Variants in PPARA observed in about 807,000 individuals in gnomAD.
PPARA encodes the protein peroxisome proliferator activated receptor alpha.
PPARA carries 22 observed loss-of-function variants against 42.2 expected under a neutral mutation model. The observed-to-expected ratio is 0.52, with a 90% confidence interval of 0.37 to 0.74. The LOEUF is 0.74. PPARA is among the 30% of genes least tolerant of loss of function. The pLI is 0.00. For missense variants in PPARA, 465 were observed against 608.2 expected (o/e 0.76, Z 2.48); for synonymous variants, 242 against 239.3 (o/e 1.01, Z -0.10).
intron 3 of PPARA, among the ~76,000 whole-genome samples, chr22:46,179,413 C>T (rs1048138175): frequency 6.6e-6 from 1 of 152,062 alleles, no homozygotes; most frequent in Non-Finnish European, 1.5e-5. Flanking sequence ...TCATTTCTAA[C>T]TTAAAAAAAC....
chr22:46,174,763 A>G (rs1928759107), intron 2 of PPARA, among the ~76,000 whole-genome samples: 1 of 152,122 alleles, frequency 6.6e-6, no homozygotes, highest in Non-Finnish European at 1.5e-5. Flanking sequence ...GCTGCAGTGA[A>G]CCATGATCAC....
rs1924220207 is a variant in PPARA at position 46,150,557 on chromosome 22, G to A, written c.-305G>A. 1 of 145,680 alleles carries A rather than the reference G, an allele frequency of 6.9e-6. No individual in the cohort carries two copies. The highest frequency in any genetic ancestry group is 2.5e-5 in the African/African-American group (1 of 40,692). 9.0% of individuals were successfully genotyped at this position (145,680 alleles called of 1,614,324 possible). A position where few individuals can be genotyped will look rare whatever the true frequency, so the allele number is the denominator to read the frequency against. ...GCGGCGGCCCCGCGGCGGGGGCAGC[G>A]GGCGGCGGGGGCGGAGGCGGCCGCT... On this transcript the variant is annotated 5_prime_UTR_variant, in exon 1 of 9. Transcript: ENST00000407236. The surrounding 1 kb of genome is among the most constrained non-coding windows in gnomAD (Gnocchi z 7.5).
At chr22:46,220,118 C>T in intron 7 of PPARA, 104 bp downstream of exon 7, 1 of 1,325,244 alleles carries the variant, frequency 7.5e-7, no homozygotes, top group Non-Finnish European at 1.1e-6. Context: ...TTATATTTAT[C>T]CCACAGTTAA....
In PPARA at chr22:46,218,332, A is replaced by G. The variant is rs779436126; in HGVS notation, c.439A>G (p.Lys147Glu). 1.2e-5 allele frequency: 20 copies of G among 1,614,060 alleles called. No individual in the cohort carries two copies. The highest frequency in any genetic ancestry group is 1.7e-5 in the Non-Finnish European group (20 of 1,180,046). ...DKCDRSCKIQ[K>E]KNRNKCQYCR... The stretch of plus-strand genomic sequence containing the variant: ...GTGCGACCGCAGCTGCAAGATCCAG[A>G]AAAAGAACAGAAACAAATGCCAGTA... The change falls in exon 6 of 9, where the codon AAA (lysine) becomes GAA (glutamate). Residue 147 changes from lysine (K) to glutamate (E), a missense_variant. Physicochemically the swap from Lys to Glu is moderately conservative, Grantham distance 56 (BLOSUM62 1). Transcript: ENST00000407236.
In PPARA at chr22:46,211,361, C is replaced by T. The variant is rs1230221029; in HGVS notation, c.209-3812C>T. ...GTGGTATCAGAACTGTTAACCCACACCCTGTGGGAAAAAAACTCCATCAGC... is the reference window on the plus strand; with the variant it reads ...GTGGTATCAGAACTGTTAACCCACATCCTGTGGGAAAAAAACTCCATCAGC... On this transcript the variant is annotated intron_variant, in intron 4 of 8. Transcript: ENST00000407236. The surrounding 1 kb of genome is among the most constrained non-coding windows in gnomAD (Gnocchi z 4.1). Among the ~76,000 whole-genome samples the T allele has an allele frequency of 2.0e-5, 3 of 152,172 alleles. No individual in the cohort carries two copies. Among genetic ancestry groups the T allele is most frequent in the Admixed American group, 6.6e-5 (1 of 15,264 alleles).
rs371336402 is a variant in PPARA, at chr22:46,201,408, C to G, written c.208+2817C>G. 5.3e-5 allele frequency among the ~76,000 whole-genome samples: 8 copies of G among 152,258 alleles called. No homozygotes were observed. The South Asian group carries it at 1.7e-3, about 32-fold the overall frequency. On this transcript the variant is annotated intron_variant, in intron 4 of 8. Transcript: ENST00000407236. ...TGGTGCAAGTTTTGACTCCCTTTCT[C>G]CTGGCGCGTTAAGCAGAGGATAAGC... is the stretch of plus-strand genomic sequence containing the variant.
chr22:46,199,573 G>A (rs1932760350), intron 4 of PPARA, among the ~76,000 whole-genome samples: 1 of 152,152 alleles, frequency 6.6e-6, no homozygotes, highest in Non-Finnish European at 1.5e-5. Flanking sequence ...GAGCCCAGGA[G>A]CTCGAGGCTG....
In PPARA at chr22:46,173,868, A is replaced by G. The variant is rs1928473955; in HGVS notation, c.-126-2885A>G. Among the ~76,000 whole-genome samples, 1 of 152,212 alleles carries G rather than the reference A, an allele frequency of 6.6e-6. No homozygotes were observed. The highest frequency in any genetic ancestry group is 1.5e-5 in the Non-Finnish European group (1 of 68,052). On this transcript the variant is annotated intron_variant, in intron 2 of 8. Transcript: ENST00000407236. This position sits in a 1 kb window ranked among gnomAD's most constrained non-coding sequence, Gnocchi z 4.3. The stretch of plus-strand genomic sequence containing the variant: ...CCATGAGGCATGCAACTCACCCTCA[A>G]ATACACACACACATACACATATATA...
Position 46,225,826 on chromosome 22 carries a change from C to T in PPARA, c.711+5812C>T, listed in dbSNP as rs879890865. Among the ~76,000 whole-genome samples the T allele has an allele frequency of 9.3e-5, 14 of 150,848 alleles. No individual in the cohort carries two copies. The highest frequency in any genetic ancestry group is 2.1e-4 in the South Asian group (1 of 4,734). ...ACGTGCACCCACACATGCACACAGA[C>T]GCACCTCCACCCCCACACACGCACA... is the stretch of plus-strand genomic sequence containing the variant. On this transcript the variant is annotated intron_variant, in intron 7 of 8. Transcript: ENST00000407236. This position sits in a 1 kb window ranked among gnomAD's most constrained non-coding sequence, Gnocchi z 4.1.
intron 4 of PPARA, among the ~76,000 whole-genome samples, chr22:46,205,622 A>C (rs1212008461): frequency 8.5e-6 from 1 of 117,960 alleles, no homozygotes; most frequent in Non-Finnish European, 1.6e-5. Flanking sequence ...GCTGGAGTGC[A>C]GTGGTGCAAT....
chr22:46,168,351 C>CAAAAAAAAAAAAAAAAAAAAAAAA (rs35345592), intron 2 of PPARA, among the ~76,000 whole-genome samples: 1 of 14,382 alleles, frequency 7.0e-5, no homozygotes, highest in African/African-American at 2.2e-4. Flanking sequence ...GACTCCATCT[C>CAAAAAAAAAAAAAAAAAAAAAAAA]AAAAAAAAAA....
intron 4 of PPARA, among the ~76,000 whole-genome samples, chr22:46,205,360 G>T (rs564367823): frequency 1.5e-3 from 229 of 150,284 alleles, no homozygotes; most frequent in Middle Eastern, 6.8e-3. Flanking sequence ...GAGACTACAG[G>T]TACCTGCCAC....
At position 46,230,609 on chromosome 22, in the gene PPARA, G is replaced by A. The variant is rs11090819; in HGVS notation, c.712-1183G>A. Among the ~76,000 whole-genome samples the A allele has an allele frequency of 0.19, 29,619 of 152,080 alleles. 6,239 individuals carry two copies. The highest frequency in any genetic ancestry group is 0.53 in the African/African-American group (22,124 of 41,434). On this transcript the variant is annotated intron_variant, in intron 7 of 8. Transcript: ENST00000407236. The surrounding 1 kb of genome is among the most constrained non-coding windows in gnomAD (Gnocchi z 5.0). ...TATGGCCAGCCACCTCTTCCACCACGAGATCTTCAGGAAATGGCAGGCCAC... is the reference window on the plus strand; with the variant it reads ...TATGGCCAGCCACCTCTTCCACCACAAGATCTTCAGGAAATGGCAGGCCAC...
At chr22:46,215,359 G>C (rs1365794500) in intron 5 of PPARA, 26 bp downstream of exon 5, 1 of 1,613,814 alleles carries the variant, frequency 6.2e-7, no homozygotes, top group Non-Finnish European at 8.5e-7. Context: ...AACAGGGCCT[G>C]GTGGCCGCCA....
At position 46,219,786 on chromosome 22, in the gene PPARA, C is replaced by A; in HGVS notation, c.509-26C>A. ...CGCAGTCATGACCTCACTGCTCATG[C>A]CTGTGTTTCCCCCTCCAAACCCTAG... On this transcript the variant is annotated intron_variant, in intron 6 of 8. Coordinates refer to ENST00000407236, the MANE Select transcript of PPARA (RefSeq NM_005036.6). The surrounding 1 kb of genome is among the most constrained non-coding windows in gnomAD (Gnocchi z 4.8). The A allele has an allele frequency of 6.2e-7, 1 of 1,611,892 alleles. No individual in the cohort carries two copies. Among genetic ancestry groups the A allele is most frequent in the Non-Finnish European group, 8.5e-7 (1 of 1,178,082 alleles).
Position 46,156,223 on chromosome 22 carries a change from A to C in PPARA, c.-127+4253A>C, listed in dbSNP as rs150556408. ...TTAGGTCATTAATCATGAGATTTGG[A>C]TTCTAGCCCCTTAGCTGCTGCCTGC... On this transcript the variant is annotated intron_variant, in intron 2 of 8. Coordinates refer to ENST00000407236, the MANE Select transcript of PPARA (RefSeq NM_005036.6). This position sits in a 1 kb window ranked among gnomAD's most constrained non-coding sequence, Gnocchi z 5.2. The C allele has an allele frequency of 6.6e-6, 1 of 152,308 alleles. No individual in the cohort carries two copies. Among genetic ancestry groups the C allele is most frequent in the East Asian group, 1.9e-4 (1 of 5,186 alleles). 9.4% of individuals were successfully genotyped at this position (152,308 alleles called of 1,614,324 possible). A position where few individuals can be genotyped will look rare whatever the true frequency, so the allele number is the denominator to read the frequency against.
chr22:46,223,739 C>A (rs1167934405), intron 7 of PPARA, among the ~76,000 whole-genome samples: 1 of 151,388 alleles, frequency 6.6e-6, no homozygotes, highest in South Asian at 2.1e-4. Flanking sequence ...TACCTGAGCT[C>A]AGGAGTTCGA....
rs796976042 is a variant in PPARA at position 46,205,617 on chromosome 22, A to AGT, written c.208+7028_208+7029dup. Among the ~76,000 whole-genome samples, 4 of 113,310 alleles carry AGT rather than the reference A, an allele frequency of 3.5e-5. No homozygotes were observed. In the South Asian group the frequency reaches 1.4e-3, roughly 39 times the overall value. The allele number at this position is 113,310 out of a possible 152,430, so 74.3% of individuals were successfully genotyped here. On this transcript the variant is annotated intron_variant, in intron 4 of 8. Transcript: ENST00000407236. Reference sequence around the variant, plus strand: ...AGTCTCACTCTGTTGCCCAGGCTGGAGTGCAGTGGTGCAATCTTAGCTCAC... The same window carrying AGT: ...AGTCTCACTCTGTTGCCCAGGCTGGAGTGTGCAGTGGTGCAATCTTAGCTCAC...
At chr22:46,208,279 T>C (rs1933585712) in intron 4 of PPARA, among the ~76,000 whole-genome samples, 1 of 152,072 alleles carries the variant, frequency 6.6e-6, no homozygotes. Context: ...GGCTGCTCCT[T>C]GAGGCCAGGC....
Sources: gnomAD v4.1 joint callset for allele counts (sites outside exome capture counted in the v4.1 genomes callset) on GRCh38, gnomAD v4.1.1 for gene constraint, Gnocchi (gnomAD v3.1) non-coding constraint, MANE v1.5 for transcripts, NCBI Gene and HGNC (gene_info 2026-07-23, HGNC 2026-07-21) for gene names.